The following PRMT5 variants were observed in gnomAD, a reference collection of about 807,000 sequenced individuals.
The protein encoded by PRMT5 is protein arginine N-methyltransferase 5.
PRMT5 carries 15 observed loss-of-function variants against 84.0 expected under a neutral mutation model. The ratio of observed to expected loss-of-function variants is 0.18; its 90% CI spans 0.12 to 0.28. The LOEUF (loss-of-function observed/expected upper bound fraction) is 0.28, where lower values mean the gene tolerates loss of function less well. PRMT5 is among the 10% of genes least tolerant of loss of function. The probability of loss-of-function intolerance (pLI) is 1.00; values close to 1 mark genes in which losing one functional copy is unlikely to be tolerated. For synonymous variants in PRMT5, 276 were observed against 292.4 expected, an observed-to-expected ratio of 0.94 and a Z score of 0.57; for missense variants, 486 against 808.0, an observed-to-expected ratio of 0.60 and a Z score of 4.83.
rs983856507 is a variant in PRMT5 at position 22,920,698 on chromosome 14, G to A, written c.*206C>T. The A allele has an allele frequency of 2.6e-6, 2 of 764,516 alleles. No individual in the cohort carries two copies. The highest frequency in any genetic ancestry group is 4.0e-5 in the Admixed American group (2 of 49,842). The allele number at this position is 764,516 out of a possible 1,614,324, so 47.4% of individuals were successfully genotyped here. On this transcript the variant is annotated 3_prime_UTR_variant, in exon 17 of 17. Transcript: ENST00000324366. ...ATCCAGCACTAATTCCTCACCCCCT[G>A]GCCTGAGGTCTTCATAGATTGGTGG...
intron 1 of PRMT5, 61 bp downstream of exon 1, chr14:22,929,191 C>G: frequency 1.2e-6 from 2 of 1,613,988 alleles, no homozygotes; most frequent in East Asian, 4.5e-5. Flanking sequence ...GATGACTAGT[C>G]TGCCCTTCTC....
chr14:22,923,045 CT>C lies in PRMT5; in HGVS notation c.1485+5del, dbSNP rs752160869. On this transcript the variant is annotated splice_donor_5th_base_variant and intron_variant, in intron 13 of 16. Coordinates refer to ENST00000324366, the MANE Select transcript of PRMT5 (RefSeq NM_006109.5). This position sits in a 1 kb window ranked among gnomAD's most constrained non-coding sequence, Gnocchi z 5.2. ...CCACTTCTTTCCAGAGAGAGTGGTT[CT>C]TTACCTCAGGGTCACGGTCCTTCTC... 68 of 1,597,782 alleles carry C rather than the reference CT, an allele frequency of 4.3e-5. No individual in the cohort carries two copies. Among genetic ancestry groups the C allele is most frequent in the Non-Finnish European group, 5.7e-5 (66 of 1,166,932 alleles).
At position 22,921,035 on chromosome 14, in the gene PRMT5, C is replaced by T. The variant is rs1352596427; in HGVS notation, c.1783G>A (p.Gly595Ser). 4 of 1,614,076 alleles carry T rather than the reference C, an allele frequency of 2.5e-6. No homozygotes were observed. The East Asian group carries it at 6.7e-5, about 27-fold the overall frequency. Residue 595 changes from glycine to serine, a missense_variant, in exon 17 of 17, where the codon GGC becomes AGC. Physicochemically the swap from Gly to Ser is moderately conservative, Grantham distance 56. Around this residue, in one of 4 missense-constraint regions of PRMT5, gnomAD observed 219 missense variants for 433.6 expected, o/e 0.51. Transcript: ENST00000324366. The stretch of plus-strand genomic sequence containing the variant: ...CAGAAACGCACACAGATGGTTTGGC[C>T]TTCACGTACCGTTATGGGCTGCTGT... ...PIKQPITVRE[G>S]QTICVRFWRC... is the part of the protein sequence containing the mutation.
intron 7 of PRMT5, 25 bp from the exon 8 acceptor site, chr14:22,925,065 A>T: frequency 6.2e-7 from 1 of 1,611,086 alleles, no homozygotes; most frequent in South Asian, 1.1e-5. Context: ...AGACCATCAG[A>T]CACAGCCCTC....
rs2044355092 is a variant in PRMT5 at position 22,923,685 on chromosome 14, TG to T, written c.1375+322del. On this transcript the variant is annotated intron_variant, in intron 12 of 16. Coordinates refer to ENST00000324366, the MANE Select transcript of PRMT5 (RefSeq NM_006109.5). The surrounding 1 kb of genome is among the most constrained non-coding windows in gnomAD (Gnocchi z 5.2). ...TGCACCGCCACGCCTGGCTAATTTT[TG>T]TATTTTTAGTAGTGATGGGGTTTCG... 6.6e-6 allele frequency among the ~76,000 whole-genome samples: 1 copy of T among 152,040 alleles called. No individual in the cohort carries two copies. Among genetic ancestry groups the T allele is most frequent in the Non-Finnish European group, 1.5e-5 (1 of 67,990 alleles).
At chr14:22,925,286 A>G (rs1219308986) in intron 7 of PRMT5, among the ~76,000 whole-genome samples, 1 of 151,654 alleles carries the variant, frequency 6.6e-6, no homozygotes, top group Non-Finnish European at 1.5e-5. Context: ...CCTCCCAAGT[A>G]GCTGGGACTA....
chr14:22,921,201 A>G, intron 16 of PRMT5, 145 bp from the exon 17 acceptor site: 1 of 1,015,632 alleles, frequency 9.8e-7, no homozygotes, highest in Non-Finnish European at 1.4e-6. Context: ...TCAGAACACA[A>G]ATAATCAAAG....
chr14:22,922,598 A>G, intron 14 of PRMT5, 39 bp from the exon 15 acceptor site: 1 of 1,557,520 alleles, frequency 6.4e-7, no homozygotes, highest in Non-Finnish European at 8.9e-7. Flanking sequence ...AGGGGCCAGA[A>G]GCTCTAGACA....
intron 6 of PRMT5, 29 bp from the exon 7 acceptor site, chr14:22,926,325 C>T: frequency 6.2e-7 from 1 of 1,610,378 alleles, no homozygotes; most frequent in Admixed American, 1.7e-5. Context: ...AAACTGTCAA[C>T]CACTGCCAGG....
rs753795886 is a variant in PRMT5 at position 22,923,062 on chromosome 14, G to A, written c.1474C>T (p.Arg492Cys). ...NEVRACREKDRDPEAQFEMPY... is the reference protein window; with the variant it reads ...NEVRACREKDCDPEAQFEMPY... ...GAGTGGTTCTTTACCTCAGGGTCACGGTCCTTCTCCCTACAGGCTCGGACC... is the reference window on the plus strand; with the variant it reads ...GAGTGGTTCTTTACCTCAGGGTCACAGTCCTTCTCCCTACAGGCTCGGACC... The change falls in exon 13 of 17, where the codon CGT becomes TGT. Residue 492 changes from arginine (R) to cysteine (C), a missense_variant. Coordinates refer to ENST00000324366, the MANE Select transcript of PRMT5 (RefSeq NM_006109.5). The surrounding 1 kb of genome is among the most constrained non-coding windows in gnomAD (Gnocchi z 5.2). 1.1e-5 allele frequency: 18 copies of A among 1,609,710 alleles called. No individual in the cohort carries two copies. The highest frequency in any genetic ancestry group is 1.4e-5 in the Non-Finnish European group (16 of 1,177,420).
Position 22,923,181 on chromosome 14 carries a change from A to G in PRMT5, c.1376-21T>C, listed in dbSNP as rs1329356607. 1.3e-6 allele frequency: 2 copies of G among 1,548,090 alleles called. No individual in the cohort carries two copies. The highest frequency in any genetic ancestry group is 1.8e-6 in the Non-Finnish European group (2 of 1,130,854). ...ATCATCTGCACAGCAGGAGAGTCAAATTAGTTCCAGAGGGAGGGAAATGGT... is the reference window on the plus strand; with the variant it reads ...ATCATCTGCACAGCAGGAGAGTCAAGTTAGTTCCAGAGGGAGGGAAATGGT... On this transcript the variant is annotated intron_variant, in intron 12 of 16. Coordinates refer to ENST00000324366, the MANE Select transcript of PRMT5 (RefSeq NM_006109.5). The surrounding 1 kb of genome is among the most constrained non-coding windows in gnomAD (Gnocchi z 5.2).
At position 22,929,317 on chromosome 14, in the gene PRMT5, G is replaced by A. The variant is rs769125377; in HGVS notation, c.45C>T (p.Ser15=). Residue 15 remains serine, a synonymous_variant, in exon 1 of 17, where the codon TCC becomes TCT. Transcript: ENST00000324366. ...AVGGAGGSRV[S]SGRDLNCVPE... ...GGACGCAATTCAGGTCCCTCCCGCT[G>A]GACACGCGGCTCCCACCAGCACCCC... 3.7e-6 allele frequency: 6 copies of A among 1,612,584 alleles called. No individual in the cohort carries two copies. The highest frequency in any genetic ancestry group is 1.1e-5 in the South Asian group (1 of 91,014).
rs970971877 is a variant in PRMT5 at position 22,929,203 on chromosome 14, G to C, written c.110+49C>G. On this transcript the variant is annotated intron_variant, in intron 1 of 16. Coordinates refer to ENST00000324366, the MANE Select transcript of PRMT5 (RefSeq NM_006109.5). ...CGGGATGACTAGTCTGCCCTTCTCC[G>C]TCCCCGAGTTCGGACCCCGCATTCC... is the stretch of plus-strand genomic sequence containing the variant. 5 of 1,613,230 alleles carry C rather than the reference G, an allele frequency of 3.1e-6. No homozygotes were observed. In the African/African-American group the frequency reaches 6.7e-5, roughly 22 times the overall value.
At position 22,921,225 on chromosome 14, in the gene PRMT5, T is replaced by C. The variant is rs981038512; in HGVS notation, c.1762-169A>G. The C allele has an allele frequency of 3.5e-5, 28 of 794,904 alleles. No individual in the cohort carries two copies. The South Asian group carries it at 4.8e-4, about 14-fold the overall frequency. 49.2% of individuals were successfully genotyped at this position (794,904 alleles called of 1,614,324 possible). ...AAATAATCAAAGGTGTGGTGAGAGC[T>C]GTGAACATGTACAGAGTCAGAAAAA... On this transcript the variant is annotated intron_variant, in intron 16 of 16. Coordinates refer to ENST00000324366, the MANE Select transcript of PRMT5 (RefSeq NM_006109.5).
At position 22,921,636 on chromosome 14, in the gene PRMT5, G is replaced by A. The variant is rs192673765; in HGVS notation, c.1761+540C>T. ...GCGGTGGCTCACGCCTGTAATCCCAGCACTTTGGGAGGCTGAGGTGGGCGG... is the reference window on the plus strand; with the variant it reads ...GCGGTGGCTCACGCCTGTAATCCCAACACTTTGGGAGGCTGAGGTGGGCGG... On this transcript the variant is annotated intron_variant, in intron 16 of 16. Transcript: ENST00000324366. Among the ~76,000 whole-genome samples, 37 of 152,248 alleles carry A rather than the reference G, an allele frequency of 2.4e-4. No homozygotes were observed. The East Asian group carries it at 4.1e-3, about 17-fold the overall frequency.
chr14:22,927,910 C>G (rs924249377), intron 3 of PRMT5, among the ~76,000 whole-genome samples: 4 of 151,870 alleles, frequency 2.6e-5, no homozygotes, highest in African/African-American at 9.7e-5. Context: ...GGTTTCACTA[C>G]GCTGCCCAGG....
Position 22,924,142 on chromosome 14 carries a change from G to T in PRMT5, c.1241C>A (p.Thr414Asn), listed in dbSNP as rs1375455199. The T allele has an allele frequency of 1.9e-6, 3 of 1,612,698 alleles. No homozygotes were observed. The highest frequency in any genetic ancestry group is 2.5e-6 in the Non-Finnish European group (3 of 1,179,278). Residue 414 changes from threonine to asparagine, a missense_variant, in exon 12 of 17, where the codon ACC (threonine) becomes AAC (asparagine). This residue lies in a region of PRMT5 where 219 missense variants were observed against 433.6 expected (regional missense o/e 0.51). Transcript: ENST00000324366. The surrounding 1 kb of genome is among the most constrained non-coding windows in gnomAD (Gnocchi z 6.5). ...TTCCCTCATGTCTGATGAGACTACG[G>T]TCACTTGGCTTCCCCATTCTTCAAA... ...WQFEEWGSQVTVVSSDMREWV... is the reference protein window; with the variant it reads ...WQFEEWGSQVNVVSSDMREWV...
intron 16 of PRMT5, among the ~76,000 whole-genome samples, chr14:22,921,613 G>A (rs747701956): frequency 4.0e-4 from 61 of 152,242 alleles, no homozygotes; most frequent in Non-Finnish European, 7.6e-4. Flanking sequence ...GGCCAGGCGC[G>A]GTGGCTCACG....
At chr14:22,929,192 T>C in intron 1 of PRMT5, 60 bp downstream of exon 1, 1 of 1,614,114 alleles carries the variant, frequency 6.2e-7, no homozygotes, top group Non-Finnish European at 8.5e-7. Flanking sequence ...ATGACTAGTC[T>C]GCCCTTCTCC....
Sources: allele counts gnomAD v4.1 joint callset (sites outside exome capture counted in the v4.1 genomes callset), GRCh38; gene constraint gnomAD v4.1.1; regional missense constraint gnomAD v4.1.1; non-coding constraint Gnocchi (gnomAD v3.1); transcripts MANE v1.5; gene names NCBI Gene and HGNC (gene_info 2026-07-23, HGNC 2026-07-21).